Variants in COBLL1 observed in about 807,000 individuals in gnomAD.
COBLL1 encodes the protein cordon-bleu protein-like 1.
A neutral mutation model predicts 94.8 loss-of-function variants in COBLL1; 50 were observed. The ratio of observed to expected loss-of-function variants is 0.53; its 90% CI spans 0.42 to 0.67. The LOEUF (loss-of-function observed/expected upper bound fraction) is 0.67, where lower values mean the gene tolerates loss of function less well. Ranked by LOEUF, COBLL1 falls within the 30% of genes least tolerant of loss-of-function variation. COBLL1 has a pLI of 0.00. For synonymous variants in COBLL1, 448 were observed against 473.8 expected (o/e 0.95, Z 0.71); for missense variants, 1,362 against 1,348.7 (o/e 1.01, Z -0.15).
intron 2 of COBLL1, among the ~76,000 whole-genome samples, chr2:164,661,501 T>G (rs1691069696): frequency 1.3e-5 from 2 of 152,152 alleles, no homozygotes; most frequent in African/African-American, 4.8e-5. Flanking sequence ...GATTTACCAC[T>G]GACATTTTAA....
chr2:164,774,693 G>C (rs538122300), intron 2 of COBLL1, among the ~76,000 whole-genome samples: 12 of 151,996 alleles, frequency 7.9e-5, no homozygotes, highest in African/African-American at 2.9e-4. Flanking sequence ...ACAGCTCTAC[G>C]TACTTTGTAC....
chr2:164,836,864 G>A (rs1683340862), intron 2 of COBLL1, among the ~76,000 whole-genome samples: 1 of 152,092 alleles, frequency 6.6e-6, no homozygotes, highest in African/African-American at 2.4e-5. Context: ...GCCATCCCCT[G>A]GTCCCAGACC....
At chr2:164,805,275 T>TTCTCTCTGTCTG (rs1559033108) in intron 2 of COBLL1, among the ~76,000 whole-genome samples, 1 of 100,098 alleles carries the variant, frequency 1.0e-5, no homozygotes, top group Non-Finnish European at 2.0e-5. Context: ...TGATATATTA[T>TTCTCTCTGTCTG]TCTCTCTGTC....
intron 5 of COBLL1, among the ~76,000 whole-genome samples, chr2:164,726,262 C>T (rs1405824266): frequency 6.6e-6 from 1 of 152,076 alleles, no homozygotes; most frequent in African/African-American, 2.4e-5. Flanking sequence ...ACCACAGAGA[C>T]CACTATTTCT....
rs181383067 is a variant in COBLL1, at chr2:164,818,351, T to G, written c.41+22805A>C. Among the ~76,000 whole-genome samples the G allele has an allele frequency of 1.8e-3, 272 of 150,386 alleles. 13 individuals are homozygous for G. Among genetic ancestry groups the G allele is most frequent in the Non-Finnish European group, 2.5e-3 (168 of 67,392 alleles). ...ATACATATATGTATATATACATATG[T>G]GCATATACGTATGTGTACATGCGTA... is the stretch of plus-strand genomic sequence containing the variant. On this transcript the variant is annotated intron_variant, in intron 2 of 13. Coordinates refer to ENST00000652658, the MANE Select transcript of COBLL1 (RefSeq NM_001365672.2).
intron 2 of COBLL1, among the ~76,000 whole-genome samples, chr2:164,829,514 A>C (rs1185629936): frequency 6.6e-6 from 1 of 152,204 alleles, no homozygotes; most frequent in Non-Finnish European, 1.5e-5. Flanking sequence ...AAGCAAAAAA[A>C]TAAAAATAAA....
At chr2:164,726,103 C>T (rs567561249) in intron 5 of COBLL1, among the ~76,000 whole-genome samples, 1 of 152,094 alleles carries the variant, frequency 6.6e-6, no homozygotes, top group Non-Finnish European at 1.5e-5. Context: ...CCTTCCATTA[C>T]TGGAAGGGAT....
At chr2:164,727,128 G>C in intron 5 of COBLL1, 1 of 1,503,532 alleles carries the variant, frequency 6.7e-7, no homozygotes, top group Non-Finnish European at 9.0e-7. Flanking sequence ...ACTTACTGAA[G>C]ACAGTAACAG....
At chr2:164,702,656 T>A (rs1307121191) in intron 9 of COBLL1, among the ~76,000 whole-genome samples, 3 of 151,970 alleles carry the variant, frequency 2.0e-5, no homozygotes, top group Admixed American at 6.6e-5. Flanking sequence ...ATGTGTTTTT[T>A]AATTTTTATT....
downstream of COBLL1, among the ~76,000 whole-genome samples, chr2:164,678,993 T>G (rs772453781): frequency 1.3e-5 from 2 of 151,904 alleles, no homozygotes; most frequent in Non-Finnish European, 2.9e-5. Flanking sequence ...GCCCTCAGAG[T>G]CTTTCCTCTT....
chr2:164,753,049 A>G (rs1328796120), intron 2 of COBLL1, among the ~76,000 whole-genome samples: 2 of 152,176 alleles, frequency 1.3e-5, no homozygotes, highest in Non-Finnish European at 2.9e-5. Context: ...AAAGAGTCAC[A>G]TGGACAGGAC....
chr2:164,779,792 G>T (rs1559008278), intron 2 of COBLL1: 1 of 468,672 alleles, frequency 2.1e-6, no homozygotes, highest in East Asian at 7.0e-5. Flanking sequence ...GAGCCTAGAG[G>T]GAAAGAGAAG....
intron 2 of COBLL1, among the ~76,000 whole-genome samples, chr2:164,794,660 A>G (rs1683350257): frequency 2.0e-5 from 3 of 152,106 alleles, no homozygotes; most frequent in Non-Finnish European, 4.4e-5. Flanking sequence ...AGGCAGTGAC[A>G]GGGAAAGGAA....
At position 164,739,263 on chromosome 2, in the gene COBLL1, C is replaced by T. The variant is rs147547945; in HGVS notation, c.230+4424G>A. Reference sequence around the variant, plus strand: ...CCCTGAGCATAAAGTCTGTGACCACCGCCAACCCCACTGTGTTTCCTAATC... The same window carrying T: ...CCCTGAGCATAAAGTCTGTGACCACTGCCAACCCCACTGTGTTTCCTAATC... On this transcript the variant is annotated intron_variant, in intron 3 of 13. Transcript: ENST00000652658. 5.6e-3 allele frequency among the ~76,000 whole-genome samples: 848 copies of T among 152,212 alleles called. 4 individuals carry two copies. Among genetic ancestry groups the T allele is most frequent in the Non-Finnish European group, 9.0e-3 (612 of 68,016 alleles).
At chr2:164,765,519 T>A (rs755206790) in intron 2 of COBLL1, among the ~76,000 whole-genome samples, 1 of 152,124 alleles carries the variant, frequency 6.6e-6, no homozygotes, top group Non-Finnish European at 1.5e-5. Flanking sequence ...TGTTACGATA[T>A]ATAACAAAAT....
At chr2:164,818,557 G>A (rs9678395) in intron 2 of COBLL1, among the ~76,000 whole-genome samples, 32,054 of 146,706 alleles carry the variant, frequency 0.22, 3,693 homozygotes, top group African/African-American at 0.29. Flanking sequence ...GTGTACATAT[G>A]TACACATATA....
rs187921250 is a variant in COBLL1, at chr2:164,672,584, A to C, written n.127-6683T>G. On this transcript the variant is annotated intron_variant and non_coding_transcript_variant, in intron 1 of 2. Coordinates refer to the COBLL1 transcript ENST00000495084. Reference sequence around the variant, plus strand: ...CGCGGTGGCGGGCGCCTGTAGTCCCAGCTACTCGGGAGGCTGAGGCAGGAG... The same window carrying C: ...CGCGGTGGCGGGCGCCTGTAGTCCCCGCTACTCGGGAGGCTGAGGCAGGAG... 7.5e-4 allele frequency among the ~76,000 whole-genome samples: 114 copies of C among 151,772 alleles called. No individual in the cohort carries two copies. In the East Asian group the frequency reaches 0.021, roughly 29 times the overall value.
At chr2:164,672,782 ATT>A (rs1691267064) in intron 1 of COBLL1, among the ~76,000 whole-genome samples, 2 of 151,802 alleles carry the variant, frequency 1.3e-5, no homozygotes, top group Non-Finnish European at 2.9e-5. Flanking sequence ...GTGATGATTC[ATT>A]ATATGTTTTC....
At chr2:164,782,407 T>A (rs1439572101) in intron 2 of COBLL1, among the ~76,000 whole-genome samples, 20 of 152,186 alleles carry the variant, frequency 1.3e-4, no homozygotes, top group Admixed American at 1.2e-3. Flanking sequence ...CATTATTTTA[T>A]ATCAACTGAG....
Sources: gnomAD v4.1 joint callset for allele counts (sites outside exome capture counted in the v4.1 genomes callset) on GRCh38, gnomAD v4.1.1 for gene constraint, MANE v1.5 for transcripts, NCBI Gene and HGNC (gene_info 2026-07-23, HGNC 2026-07-21) for gene names.